CNTN5: variants seen among roughly 807,000 people sequenced by gnomAD.
CNTN5 encodes the protein contactin-5.
CNTN5 carries 77 observed loss-of-function variants against 129.1 expected under a neutral mutation model. That is an observed-to-expected ratio of 0.60 (90% CI 0.50 to 0.72). The LOEUF (loss-of-function observed/expected upper bound fraction) is 0.72, where lower values mean the gene tolerates loss of function less well. CNTN5 is among the 30% of genes least tolerant of loss of function. The pLI, the probability that CNTN5 is intolerant of heterozygous loss-of-function variation, is 0.00. For missense variants in CNTN5, 1,478 were observed against 1,328.8 expected (o/e 1.11, Z -1.75); for synonymous variants, 509 against 465.6 (o/e 1.09, Z -1.20).
chr11:100,182,254 A>G (rs1008805597), intron 13 of CNTN5, among the ~76,000 whole-genome samples: 2 of 152,064 alleles, frequency 1.3e-5, no homozygotes, highest in Non-Finnish European at 2.9e-5. Flanking sequence ...CTGGTTGCTT[A>G]CATATTTATA....
At chr11:99,616,287 A>G (rs1950758993) in intron 3 of CNTN5, among the ~76,000 whole-genome samples, 1 of 152,190 alleles carries the variant, frequency 6.6e-6, no homozygotes, top group Non-Finnish European at 1.5e-5. Context: ...TATCATTAAG[A>G]ATAATAATAG....
chr11:99,701,349 T>C (rs570283314), intron 3 of CNTN5, among the ~76,000 whole-genome samples: 7 of 151,210 alleles, frequency 4.6e-5, no homozygotes, highest in Non-Finnish European at 4.5e-5. Context: ...TTTTGAATAC[T>C]ATGAGTAAGA....
chr11:99,840,105 A>C (rs753822138), intron 4 of CNTN5, among the ~76,000 whole-genome samples: 1 of 152,142 alleles, frequency 6.6e-6, no homozygotes, highest in Non-Finnish European at 1.5e-5. Context: ...TGGTCACTTA[A>C]AAATGATGAC....
chr11:99,691,792 G>A (rs1565431938), intron 3 of CNTN5, among the ~76,000 whole-genome samples: 1 of 152,068 alleles, frequency 6.6e-6, no homozygotes, highest in African/African-American at 2.4e-5. Context: ...TTCAGGTCCT[G>A]AATAGTTTTG....
chr11:99,880,173 T>C (rs1356388876), intron 6 of CNTN5, among the ~76,000 whole-genome samples: 1 of 152,200 alleles, frequency 6.6e-6, no homozygotes. Context: ...AATGAGGCAA[T>C]TGAAAACATT....
intron 2 of CNTN5, among the ~76,000 whole-genome samples, chr11:99,529,447 T>A (rs1351363871): frequency 6.6e-6 from 1 of 152,198 alleles, no homozygotes; most frequent in Non-Finnish European, 1.5e-5. Flanking sequence ...ACACTTAACA[T>A]GAAACAACGA....
intron 9 of CNTN5, among the ~76,000 whole-genome samples, chr11:100,035,323 G>C (rs1327953732): frequency 6.8e-6 from 1 of 147,688 alleles, no homozygotes; most frequent in Non-Finnish European, 1.5e-5. Context: ...TGGCTGCATA[G>C]TATTCCATGA....
chr11:100,194,195 T>A (rs1310836683), intron 15 of CNTN5, among the ~76,000 whole-genome samples: 1 of 151,936 alleles, frequency 6.6e-6, no homozygotes, highest in Non-Finnish European at 1.5e-5. Context: ...ATTGTGTACC[T>A]ACATGGCAAT....
intron 2 of CNTN5, among the ~76,000 whole-genome samples, chr11:99,458,915 A>G (rs1029397213): frequency 6.6e-6 from 1 of 152,062 alleles, no homozygotes; most frequent in Non-Finnish European, 1.5e-5. Context: ...GTTTTGTGCC[A>G]TCTGAAGTAG....
At chr11:100,128,024 A>T (rs1946251293) in intron 13 of CNTN5, among the ~76,000 whole-genome samples, 1 of 152,174 alleles carries the variant, frequency 6.6e-6, no homozygotes, top group African/African-American at 2.4e-5. Context: ...TGTCTTTTCT[A>T]ATATCCTTTC....
intron 3 of CNTN5, among the ~76,000 whole-genome samples, chr11:99,803,927 G>T (rs1373244283): frequency 6.6e-6 from 1 of 152,134 alleles, no homozygotes; most frequent in Non-Finnish European, 1.5e-5. Context: ...TTTCCAAGTG[G>T]CTGAGACATC....
intron 6 of CNTN5, among the ~76,000 whole-genome samples, chr11:99,914,310 A>T (rs1949734319): frequency 6.6e-6 from 1 of 152,102 alleles, no homozygotes. Flanking sequence ...AAGTAAAAGG[A>T]AGTCAAATTA....
intron 2 of CNTN5, among the ~76,000 whole-genome samples, chr11:99,342,578 A>C (rs1382809362): frequency 7.4e-6 from 1 of 135,428 alleles, no homozygotes; most frequent in Non-Finnish European, 1.6e-5. Flanking sequence ...TCTCAAAAAA[A>C]AAAAAAAAAA....
At chr11:99,210,972 A>C (rs2135668735) in intron 1 of CNTN5, among the ~76,000 whole-genome samples, 1 of 152,232 alleles carries the variant, frequency 6.6e-6, no homozygotes, top group African/African-American at 2.4e-5. Flanking sequence ...TAATTTTCAA[A>C]GCTCTAATAG....
At chr11:100,065,031 C>T (rs187867402) in intron 10 of CNTN5, among the ~76,000 whole-genome samples, 12 of 152,182 alleles carry the variant, frequency 7.9e-5, no homozygotes, top group Non-Finnish European at 1.5e-4. Flanking sequence ...TAAAGACGGT[C>T]ACTATGACCT....
intron 23 of CNTN5, among the ~76,000 whole-genome samples, chr11:100,344,209 G>T (rs200148516): frequency 1.3e-5 from 2 of 152,120 alleles, no homozygotes; most frequent in East Asian, 3.9e-4. Context: ...GGTTTAAAAT[G>T]CAGGGAATAT....
intron 3 of CNTN5, among the ~76,000 whole-genome samples, chr11:99,753,553 G>C (rs1461877187): frequency 6.7e-6 from 1 of 148,818 alleles, no homozygotes; most frequent in African/African-American, 2.5e-5. Context: ...ATCTCCTTTG[G>C]CTTCTGCTTG....
In CNTN5 at chr11:99,507,117, C is replaced by G. The variant is rs562954985; in HGVS notation, c.-70-49028C>G. On this transcript the variant is annotated intron_variant, in intron 2 of 24. Transcript: ENST00000524871. ...ACAAATAAAACAAGTTTTTCTCACA[C>G]CTGTAATCCCAGTACTTTGGGAGGC... 1.7e-4 allele frequency among the ~76,000 whole-genome samples: 26 copies of G among 152,098 alleles called. No individual in the cohort carries two copies. In the South Asian group the frequency reaches 5.0e-3, roughly 29 times the overall value.
intron 3 of CNTN5, among the ~76,000 whole-genome samples, chr11:99,735,978 C>T (rs1266039146): frequency 2.0e-5 from 3 of 152,148 alleles, no homozygotes; most frequent in South Asian, 2.1e-4. Flanking sequence ...TCTGCTTCTA[C>T]GAACTGAATA....
Sources: allele counts gnomAD v4.1 joint callset (sites outside exome capture counted in the v4.1 genomes callset), GRCh38; gene constraint gnomAD v4.1.1; transcripts MANE v1.5; gene names NCBI Gene and HGNC (gene_info 2026-07-23, HGNC 2026-07-21).